MYLK: variants seen among roughly 807,000 people sequenced by gnomAD.
MYLK encodes myosin light chain kinase.
MYLK carries 106 observed loss-of-function variants against 203.4 expected under a neutral mutation model. The observed-to-expected ratio is 0.52, with a 90% confidence interval of 0.45 to 0.61. The LOEUF (loss-of-function observed/expected upper bound fraction) is 0.61. Ranked by LOEUF, MYLK falls within the 20% of genes least tolerant of loss-of-function variation. The probability of loss-of-function intolerance (pLI) is 0.00; values close to 1 mark genes in which losing one functional copy is unlikely to be tolerated. For synonymous variants in MYLK, 867 were observed against 959.5 expected (o/e 0.90, Z 1.78); for missense variants, 2,072 against 2,442.3 (o/e 0.85, Z 3.20).
intron 33 of MYLK, chr3:123,618,285 G>A: frequency 3.2e-6 from 1 of 314,302 alleles, no homozygotes; most frequent in South Asian, 2.9e-5. Context: ...GCCTCATATG[G>A]GCAAGTCACA....
intron 4 of MYLK, among the ~76,000 whole-genome samples, chr3:123,761,935 G>A (rs1197827864): frequency 6.6e-6 from 1 of 152,088 alleles, no homozygotes; most frequent in Non-Finnish European, 1.5e-5. Flanking sequence ...CCTGAGGCAG[G>A]AGAATCACTT....
chr3:123,814,939 C>T lies in MYLK; in HGVS notation c.-4+16609G>A, dbSNP rs1223033821. ...TCCCGAGTAGCTAGGACTACAGGCA[C>T]CTGACACCATGCCTGGCTAATTTTT... On this transcript the variant is annotated intron_variant, in intron 3 of 33. Transcript: ENST00000360304. 2.6e-5 allele frequency among the ~76,000 whole-genome samples: 4 copies of T among 152,136 alleles called. No individual in the cohort carries two copies. In the East Asian group the frequency reaches 5.8e-4, roughly 22 times the overall value.
In MYLK at chr3:123,700,296, T is replaced by A. The variant is rs748997552; in HGVS notation, c.3172A>T (p.Asn1058Tyr). The change falls in exon 18 of 34, where the codon AAC becomes TAC. Residue 1058 changes from asparagine (N) to tyrosine (Y), a missense_variant. Asn to Tyr is a moderately radical substitution (Grantham distance 143). Around this residue, in one of 3 missense-constraint regions of MYLK, gnomAD observed 865 missense variants for 1,016.0 expected, o/e 0.85. Transcript: ENST00000360304. Reference sequence around the variant, plus strand: ...TCTTCTTTGCTAGCGGATTTCAGGTTCTCATCAGGCTTGGCATTGCCCATG... The same window carrying A: ...TCTTCTTTGCTAGCGGATTTCAGGTACTCATCAGGCTTGGCATTGCCCATG... Reference protein sequence around the residue: ...KPMGNAKPDENLKSASKEELK... With the variant: ...KPMGNAKPDEYLKSASKEELK... 20 of 1,613,962 alleles carry A rather than the reference T, an allele frequency of 1.2e-5. No homozygotes were observed. Among genetic ancestry groups the A allele is most frequent in the Non-Finnish European group, 1.6e-5 (19 of 1,180,008 alleles).
At position 123,735,511 on chromosome 3, in the gene MYLK, C is replaced by T. The variant is rs992688491; in HGVS notation, c.755-95G>A. On this transcript the variant is annotated intron_variant, in intron 8 of 33. Coordinates refer to ENST00000360304, the MANE Select transcript of MYLK (RefSeq NM_053025.4). ...GCACTTCCTCATCACCGTGGTCCCA[C>T]CCTGCTGGCTCCTTCCAGCTTCCCT... 5.4e-5 allele frequency: 77 copies of T among 1,419,868 alleles called. No individual in the cohort carries two copies. The East Asian group carries it at 6.4e-4, about 12-fold the overall frequency. 88.0% of individuals were successfully genotyped at this position (1,419,868 alleles called of 1,614,324 possible).
intron 5 of MYLK, among the ~76,000 whole-genome samples, chr3:123,749,270 C>T (rs543444794): frequency 4.0e-5 from 6 of 150,326 alleles, no homozygotes; most frequent in South Asian, 2.1e-4. Flanking sequence ...CAGAGCAAGA[C>T]CTAGCCTCAA....
Position 123,741,350 on chromosome 3 carries a change from G to T in MYLK, c.374-1349C>A, listed in dbSNP as rs72970888. On this transcript the variant is annotated intron_variant, in intron 5 of 33. Transcript: ENST00000360304. ...TTTAAGCTGTGGCTCCATATAATTG[G>T]TGATTACGATACAGGCATTTCTGTT... Among the ~76,000 whole-genome samples the T allele has an allele frequency of 2.5e-3, 377 of 152,320 alleles. 1 individual carries two copies. The highest frequency in any genetic ancestry group is 8.9e-3 in the African/African-American group (371 of 41,570).
intron 24 of MYLK, among the ~76,000 whole-genome samples, chr3:123,651,134 A>C (rs1460691535): frequency 6.6e-6 from 1 of 152,194 alleles, no homozygotes. Context: ...TTGGGAAAGA[A>C]GTCTAAAATG....
intron 2 of MYLK, among the ~76,000 whole-genome samples, chr3:123,866,877 TG>T (rs1004638818): frequency 5.9e-5 from 9 of 152,100 alleles, no homozygotes; most frequent in Admixed American, 2.0e-4. Context: ...CACCCTTCAA[TG>T]GGGAAACTGA....
At chr3:123,827,693 C>CTA (rs2066167850) in intron 3 of MYLK, among the ~76,000 whole-genome samples, 5 of 34,366 alleles carry the variant, frequency 1.5e-4, no homozygotes, top group Admixed American at 1.4e-3. Flanking sequence ...ATGAAAAACA[C>CTA]CATATATATA....
Position 123,649,150 on chromosome 3 carries a change from G to A in MYLK, c.4321+12C>T, listed in dbSNP as rs1244263094. ...CCCAAGAGCCTGACCCGAAGACAGGGGCTGCACTCACCATCATCTGACACC... is the reference window on the plus strand; with the variant it reads ...CCCAAGAGCCTGACCCGAAGACAGGAGCTGCACTCACCATCATCTGACACC... On this transcript the variant is annotated intron_variant, in intron 25 of 33. Coordinates refer to ENST00000360304, the MANE Select transcript of MYLK (RefSeq NM_053025.4). 1.2e-6 allele frequency: 2 copies of A among 1,613,612 alleles called. No individual in the cohort carries two copies. The highest frequency in any genetic ancestry group is 1.7e-6 in the Non-Finnish European group (2 of 1,180,032).
At position 123,719,102 on chromosome 3, in the gene MYLK, G is replaced by A. The variant is rs376753095; in HGVS notation, c.1804+3026C>T. 3.3e-5 allele frequency among the ~76,000 whole-genome samples: 5 copies of A among 152,310 alleles called. No individual in the cohort carries two copies. The East Asian group carries it at 5.8e-4, about 18-fold the overall frequency. On this transcript the variant is annotated intron_variant, in intron 13 of 33. Coordinates refer to ENST00000360304, the MANE Select transcript of MYLK (RefSeq NM_053025.4). ...GCATGAAGGGCTGGCTGCAGAAATC[G>A]CGTCTGAGGGCTGCACCAGCAATCT...
At chr3:123,657,774 T>G (rs1396696206) in intron 23 of MYLK, among the ~76,000 whole-genome samples, 1 of 152,222 alleles carries the variant, frequency 6.6e-6, no homozygotes, top group African/African-American at 2.4e-5. Context: ...GCGTGGACTA[T>G]TTCCTATCGA....
rs539756612 is a variant in MYLK at position 123,644,570 on chromosome 3, C to T, written c.4619+2654G>A. On this transcript the variant is annotated intron_variant, in intron 27 of 33. Transcript: ENST00000360304. ...CACTGGTGCTGCTGCCTAGCCTTCC[C>T]CAGGCCCTGTGACTCCTGCCCTCCC... 2.0e-5 allele frequency: 3 copies of T among 152,450 alleles called. No individual in the cohort carries two copies. The East Asian group carries it at 5.8e-4, about 29-fold the overall frequency. 9.4% of individuals were successfully genotyped at this position (152,450 alleles called of 1,614,324 possible). A position where few individuals can be genotyped will look rare whatever the true frequency, so the allele number is the denominator to read the frequency against.
rs1560015844 is a variant in MYLK at position 123,649,200 on chromosome 3, G to GC, written c.4289-7_4289-6insG. 1.2e-6 allele frequency: 2 copies of GC among 1,612,334 alleles called. No individual in the cohort carries two copies. The highest frequency in any genetic ancestry group is 1.7e-6 in the Non-Finnish European group (2 of 1,180,000). On this transcript the variant is annotated splice_polypyrimidine_tract_variant and splice_region_variant and intron_variant, in intron 24 of 33. Transcript: ENST00000360304. ...CTCCACTTCATCCTTCGGCTCTGGG[G>GC]GGGGCACAAGGAAGGACAGAGAGGA...
intron 2 of MYLK, among the ~76,000 whole-genome samples, chr3:123,861,097 T>C (rs1013507588): frequency 1.3e-5 from 2 of 149,858 alleles, no homozygotes; most frequent in Non-Finnish European, 2.9e-5. Flanking sequence ...ACCACTGCAC[T>C]CTAGCCTGGG....
At chr3:123,673,415 AG>A (rs1277881940) in intron 20 of MYLK, among the ~76,000 whole-genome samples, 1 of 151,872 alleles carries the variant, frequency 6.6e-6, no homozygotes, top group Non-Finnish European at 1.5e-5. Flanking sequence ...GCTCAGCCTC[AG>A]TGCATGTTCT....
chr3:123,793,956 TC>T (rs2064888940), intron 3 of MYLK, 112 bp from the exon 4 acceptor site: 3 of 1,192,160 alleles, frequency 2.5e-6, no homozygotes, highest in East Asian at 2.4e-5. Flanking sequence ...GTGGAGCAGA[TC>T]CCCAGTTAGG....
intron 4 of MYLK, among the ~76,000 whole-genome samples, chr3:123,755,938 C>A (rs1188419182): frequency 3.3e-5 from 5 of 152,176 alleles, no homozygotes; most frequent in Non-Finnish European, 7.3e-5. Context: ...TCCTGCAAGT[C>A]CTCACCAACA....
chr3:123,633,819 A>T (rs940879890), intron 29 of MYLK, among the ~76,000 whole-genome samples: 1 of 152,106 alleles, frequency 6.6e-6, no homozygotes, highest in African/African-American at 2.4e-5. Context: ...TGCCTCTTGG[A>T]CTACACTTTC....
Sources: gnomAD v4.1 joint callset for allele counts (sites outside exome capture counted in the v4.1 genomes callset) on GRCh38, gnomAD v4.1.1 for gene constraint, gnomAD v4.1.1 regional missense constraint, MANE v1.5 for transcripts, NCBI Gene and HGNC (gene_info 2026-07-23, HGNC 2026-07-21) for gene names.